The following ZDHHC11 variants were observed in gnomAD, a reference collection of about 807,000 sequenced individuals.
ZDHHC11 encodes the protein palmitoyltransferase ZDHHC11.
Under a neutral mutation model 51.3 loss-of-function variants are expected in ZDHHC11, and 44 were observed. The observed-to-expected ratio is 0.86, with a 90% CI of 0.67 to 1.10. ZDHHC11 has a LOEUF of 1.10. Among genes scored for constraint, ZDHHC11 ranks in the 50% least tolerant of loss-of-function variants. ZDHHC11 has a pLI of 0.00. For missense variants in ZDHHC11, 400 were observed against 537.7 expected, an observed-to-expected ratio of 0.74 and a Z score of 2.53; for synonymous variants, 163 against 222.0, an observed-to-expected ratio of 0.73 and a Z score of 2.36.
rs919362378 is a variant in ZDHHC11, at chr5:858,771, G to A, written c.-1+103C>T. On this transcript the variant is annotated intron_variant, in intron 1 of 3. Coordinates refer to the ZDHHC11 transcript ENST00000685990. ...GACAAATCCTCACAGCCTGAGTCCCGGACAGTCTTGCTGTGTTGCCTTTAC... is the reference window on the plus strand; with the variant it reads ...GACAAATCCTCACAGCCTGAGTCCCAGACAGTCTTGCTGTGTTGCCTTTAC... Among the ~76,000 whole-genome samples, 8 of 151,900 alleles carry A rather than the reference G, an allele frequency of 5.3e-5. No homozygotes were observed. The South Asian group carries it at 1.0e-3, about 20-fold the overall frequency.
At chr5:802,454 G>C (rs1738561878) in intron 11 of ZDHHC11, among the ~76,000 whole-genome samples, 1 of 151,208 alleles carries the variant, frequency 6.6e-6, no homozygotes, top group African/African-American at 2.4e-5. Context: ...AGGATTGTGA[G>C]ACATACAGGT....
Position 801,151 on chromosome 5 carries a change from T to C in ZDHHC11, c.1195A>G (p.Thr399Ala), listed in dbSNP as rs777426255. ...CTGTCAGTTTTCATGGGCTCTGTTG[T>C]TTCTTGTTGCAGCCTGTTTGCAATA... ...SISTLGLQQE[T>A]TEPMKTDSAE... is the part of the protein sequence containing the mutation. Residue 399 changes from threonine to alanine, a missense_variant, in exon 12 of 13, where the codon ACA (threonine) becomes GCA (alanine). This residue lies in a region of ZDHHC11 where 231 missense variants were observed against 227.4 expected (regional missense o/e 1.02). Transcript: ENST00000283441. 5.0e-6 allele frequency: 8 copies of C among 1,611,012 alleles called. No individual in the cohort carries two copies. Among genetic ancestry groups the C allele is most frequent in the Non-Finnish European group, 6.8e-6 (8 of 1,177,950 alleles).
intron 1 of ZDHHC11, 60 bp from the exon 2 acceptor site, chr5:848,720 G>C (rs755790840): frequency 2.5e-6 from 4 of 1,597,072 alleles, no homozygotes; most frequent in Non-Finnish European, 3.4e-6. Flanking sequence ...AGGCGTCCCC[G>C]TGAGGCCCAA....
chr5:842,139 C>T, intron 4 of ZDHHC11: 16 of 986,348 alleles, frequency 1.6e-5, no homozygotes, highest in Non-Finnish European at 1.9e-5. Flanking sequence ...TCAATGAATT[C>T]ACACGGAGAC....
In ZDHHC11 at chr5:828,405, G is replaced by A. The variant is rs960588349; in HGVS notation, c.936-3154C>T. 1.1e-4 allele frequency among the ~76,000 whole-genome samples: 16 copies of A among 151,076 alleles called. 1 individual carries two copies. The highest frequency in any genetic ancestry group is 3.7e-4 in the African/African-American group (15 of 41,084). On this transcript the variant is annotated intron_variant, in intron 7 of 12. Coordinates refer to ENST00000283441, the MANE Select transcript of ZDHHC11 (RefSeq NM_024786.3). ...TCCTGGACGGGGCGGCTGGCCGGGTGGAGGTGCCCCCCACCTCCCTCCTGG... is the reference window on the plus strand; with the variant it reads ...TCCTGGACGGGGCGGCTGGCCGGGTAGAGGTGCCCCCCACCTCCCTCCTGG...
chr5:798,570 T>G (rs1462926016), intron 12 of ZDHHC11, among the ~76,000 whole-genome samples: 1 of 150,492 alleles, frequency 6.6e-6, no homozygotes, highest in African/African-American at 2.4e-5. Context: ...CCACGATCTT[T>G]AAAATCTACC....
chr5:850,321 C>G lies in ZDHHC11; in HGVS notation c.222+60G>C, dbSNP rs964560450. The G allele has an allele frequency of 3.5e-5, 55 of 1,560,724 alleles. No individual in the cohort carries two copies. In the African/African-American group the frequency reaches 5.0e-4, roughly 14 times the overall value. On this transcript the variant is annotated intron_variant, in intron 1 of 12. Coordinates refer to ENST00000283441, the MANE Select transcript of ZDHHC11 (RefSeq NM_024786.3). ...CATGGCCCAGACCCCACAGCCAGGT[C>G]CATCGCAAGTTCCTCCAGGAACCCC...
chr5:847,874 C>T (rs564512949), intron 2 of ZDHHC11: 47 of 576,848 alleles, frequency 8.1e-5, no homozygotes, highest in African/African-American at 1.8e-4. Flanking sequence ...ATAGACCCCC[C>T]GCCAGCCGTC....
At chr5:803,265 A>T (rs1391881512) in intron 11 of ZDHHC11, among the ~76,000 whole-genome samples, 1 of 151,214 alleles carries the variant, frequency 6.6e-6, no homozygotes, top group Non-Finnish European at 1.5e-5. Context: ...CTTGGTTTTG[A>T]TCCACTTGGC....
intron 10 of ZDHHC11, chr5:816,247 C>T (rs1045551132): frequency 1.3e-5 from 3 of 239,952 alleles, no homozygotes; most frequent in Non-Finnish European, 1.7e-5. Flanking sequence ...ATTTATTCTT[C>T]TTTTTTCGGA....
intron 11 of ZDHHC11, among the ~76,000 whole-genome samples, chr5:801,829 A>C (rs996573667): frequency 7.3e-5 from 11 of 151,356 alleles, no homozygotes; most frequent in African/African-American, 2.7e-4. Flanking sequence ...CAAGCAAAAT[A>C]GTCACTAGGA....
intron 1 of ZDHHC11, among the ~76,000 whole-genome samples, chr5:849,164 T>C (rs1339563998): frequency 1.3e-5 from 2 of 152,086 alleles, no homozygotes; most frequent in African/African-American, 2.4e-5. Context: ...AGGCTACCCA[T>C]TGGCCCTGCA....
upstream of ZDHHC11, among the ~76,000 whole-genome samples, chr5:852,824 A>G (rs1747458008): frequency 6.8e-6 from 1 of 146,784 alleles, no homozygotes; most frequent in Non-Finnish European, 1.5e-5. Context: ...GACCCCACGG[A>G]GGACAGCGAG....
chr5:798,640 T>C (rs1446018407), intron 12 of ZDHHC11, among the ~76,000 whole-genome samples: 5 of 150,378 alleles, frequency 3.3e-5, no homozygotes, highest in African/African-American at 9.7e-5. Context: ...CATCCTTTTC[T>C]AGAGATAGGA....
upstream of ZDHHC11, among the ~76,000 whole-genome samples, chr5:855,381 GAGACAGACCCCACAGA>G (rs1748047001): frequency 1.3e-5 from 2 of 150,364 alleles, no homozygotes. Context: ...GAGAGCCGGG[GAGACAGACCCCACAGA>G]GGACAGCGAG....
chr5:845,957 C>CGCCAGATTGAGCCAG (rs1746089205), intron 3 of ZDHHC11, among the ~76,000 whole-genome samples: 1 of 150,262 alleles, frequency 6.7e-6, no homozygotes, highest in African/African-American at 2.5e-5. Context: ...GCCCTCACCC[C>CGCCAGATTGAGCCAG]CTCACCTTCC....
At chr5:810,342 T>G (rs2150309040) in intron 11 of ZDHHC11, among the ~76,000 whole-genome samples, 1 of 150,106 alleles carries the variant, frequency 6.7e-6, no homozygotes, top group Non-Finnish European at 1.5e-5. Flanking sequence ...CTGTTCCCAC[T>G]TTCATTCCAG....
At chr5:838,362 C>T (rs941873671) in intron 5 of ZDHHC11, among the ~76,000 whole-genome samples, 3 of 152,098 alleles carry the variant, frequency 2.0e-5, no homozygotes, top group African/African-American at 7.2e-5. Flanking sequence ...CTCCATGCTT[C>T]TTTCCCTAAA....
chr5:834,355 T>C (rs1174759693), intron 6 of ZDHHC11, among the ~76,000 whole-genome samples: 6 of 152,294 alleles, frequency 3.9e-5, no homozygotes, highest in African/African-American at 1.2e-4. Flanking sequence ...TGTATGTATG[T>C]ATTTTTATTT....
Sources: gnomAD v4.1 joint callset for allele counts (sites outside exome capture counted in the v4.1 genomes callset) on GRCh38, gnomAD v4.1.1 for gene constraint, gnomAD v4.1.1 regional missense constraint, MANE v1.5 for transcripts, NCBI Gene and HGNC (gene_info 2026-07-23, HGNC 2026-07-21) for gene names.